TVP23C: variants seen among roughly 807,000 people sequenced by gnomAD.
TVP23C encodes the protein Golgi apparatus membrane protein TVP23 homolog C.
Under a neutral mutation model 28.7 loss-of-function variants are expected in TVP23C, and 19 were observed. That is an observed-to-expected ratio of 0.66 (90% CI 0.46 to 0.97). TVP23C has a LOEUF of 0.97. Among genes scored for constraint, TVP23C ranks in the 50% least tolerant of loss-of-function variants. The pLI, the probability that TVP23C is intolerant of heterozygous loss-of-function variation, is 0.00. For missense variants in TVP23C, 186 were observed against 241.3 expected (o/e 0.77, Z 1.52); for synonymous variants, 68 against 81.7 (o/e 0.83, Z 0.90).
chr17:15,548,415 T>C (rs1233170345), intron 3 of TVP23C, among the ~76,000 whole-genome samples: 1 of 152,230 alleles, frequency 6.6e-6, no homozygotes, highest in Admixed American at 6.5e-5. Context: ...TTCACCCGCC[T>C]TGGCCTCCCA....
chr17:15,537,561 A>C lies in TVP23C; in HGVS notation c.*2851T>G, dbSNP rs1210107412. On this transcript the variant is annotated 3_prime_UTR_variant, in exon 6 of 6. Transcript: ENST00000518321. ...AAAATAAAATTTTATAAAGTAGTTA[A>C]TACCACTGGCCCTAATTGTTTTCAC... The C allele has an allele frequency of 3.0e-6, 3 of 983,880 alleles. No homozygotes were observed. In the Admixed American group the frequency reaches 1.8e-4, roughly 60 times the overall value. The allele number at this position is 983,880 out of a possible 1,614,324, so 60.9% of individuals were successfully genotyped here. A position where few individuals can be genotyped will look rare whatever the true frequency, so the allele number is the denominator to read the frequency against.
chr17:15,556,489 G>A (rs1984137870), intron 1 of TVP23C, among the ~76,000 whole-genome samples: 1 of 151,430 alleles, frequency 6.6e-6, no homozygotes, highest in Non-Finnish European at 1.5e-5. Context: ...ACCTTCCCAA[G>A]TAGCTGGGAC....
intron 5 of TVP23C, among the ~76,000 whole-genome samples, chr17:15,518,985 G>A (rs1179229580): frequency 1.3e-5 from 2 of 152,110 alleles, no homozygotes; most frequent in Non-Finnish European, 2.9e-5. Context: ...ATGGTTGAAA[G>A]GTGTGTCGCA....
intron 1 of TVP23C, among the ~76,000 whole-genome samples, chr17:15,560,878 GA>G (rs1289353084): frequency 6.7e-6 from 1 of 150,112 alleles, no homozygotes; most frequent in East Asian, 2.0e-4. Flanking sequence ...TAAGGTAAGA[GA>G]AATTAAAACA....
intron 3 of TVP23C, among the ~76,000 whole-genome samples, chr17:15,551,267 T>TC (rs1289197338): frequency 5.6e-5 from 8 of 142,580 alleles, no homozygotes; most frequent in Non-Finnish European, 1.2e-4. Context: ...CCCGGCTCAT[T>TC]TTTTTTTTTT....
At chr17:15,508,332 C>CTTCTGTG (rs1981856398) in intron 5 of TVP23C, among the ~76,000 whole-genome samples, 1 of 152,222 alleles carries the variant, frequency 6.6e-6, no homozygotes, top group Non-Finnish European at 1.5e-5. Context: ...CAGAGCTGGG[C>CTTCTGTG]TTCTGTGGTC....
rs998540042 is a variant in TVP23C at position 15,562,437 on chromosome 17, T to C, written c.12+1000A>G. 18 of 152,144 alleles carry C rather than the reference T, an allele frequency of 1.2e-4. 1 individual carries two copies. Among genetic ancestry groups the C allele is most frequent in the African/African-American group, 4.3e-4 (18 of 41,416 alleles). 9.4% of individuals were successfully genotyped at this position (152,144 alleles called of 1,614,324 possible). A position where few individuals can be genotyped will look rare whatever the true frequency, so the allele number is the denominator to read the frequency against. On this transcript the variant is annotated intron_variant, in intron 1 of 5. Coordinates refer to ENST00000518321, the MANE Select transcript of TVP23C (RefSeq NM_001135036.2). ...TTTCACCAAGTTGGCCAGGATGGTC[T>C]CGATCTCTTGACCTCATGATCCACC...
chr17:15,537,802 A>G lies in TVP23C; in HGVS notation c.*2610T>C. The G allele has an allele frequency of 8.8e-7, 1 of 1,134,758 alleles. No homozygotes were observed. The highest frequency in any genetic ancestry group is 1.1e-6 in the Non-Finnish European group (1 of 925,840). 70.3% of individuals were successfully genotyped at this position (1,134,758 alleles called of 1,614,324 possible). ...TATGGATCAAAATGCAAAGGTCTCC[A>G]TTATCTGTGTAAATGAACACTTTCA... On this transcript the variant is annotated 3_prime_UTR_variant, in exon 6 of 6. Transcript: ENST00000518321.
intron 5 of TVP23C, among the ~76,000 whole-genome samples, chr17:15,518,312 T>C (rs1257585168): frequency 6.6e-6 from 1 of 151,990 alleles, no homozygotes; most frequent in African/African-American, 2.4e-5. Flanking sequence ...TCCCAAACTC[T>C]ACCCTATATG....
intron 3 of TVP23C, 60 bp from the exon 4 acceptor site, chr17:15,547,208 A>G (rs1213352906): frequency 1.2e-6 from 2 of 1,611,958 alleles, no homozygotes; most frequent in East Asian, 2.2e-5. Flanking sequence ...ATCTGTCACA[A>G]GCTCCTATCT....
chr17:15,503,982 G>A (rs986642222), intron 5 of TVP23C, among the ~76,000 whole-genome samples: 5 of 151,984 alleles, frequency 3.3e-5, no homozygotes, highest in Non-Finnish European at 7.4e-5. Context: ...ACAACCCTGT[G>A]AGTAGTACCA....
intron 5 of TVP23C, among the ~76,000 whole-genome samples, chr17:15,518,884 G>A (rs1982347964): frequency 6.6e-6 from 1 of 152,174 alleles, no homozygotes; most frequent in East Asian, 1.9e-4. Flanking sequence ...ATCCCCACGT[G>A]TCGAGGGGGG....
chr17:15,511,192 T>C (rs1981989898), intron 5 of TVP23C, among the ~76,000 whole-genome samples: 1 of 151,422 alleles, frequency 6.6e-6, no homozygotes, highest in Non-Finnish European at 1.5e-5. Flanking sequence ...CGGTCTACAG[T>C]AGAGAGGTTT....
chr17:15,557,639 G>C (rs1030340990), intron 1 of TVP23C, among the ~76,000 whole-genome samples: 5 of 144,302 alleles, frequency 3.5e-5, no homozygotes, highest in East Asian at 2.0e-4. Flanking sequence ...GTGTCTAGCA[G>C]AGCATTCAGC....
chr17:15,558,623 G>A (rs939844796), intron 1 of TVP23C, among the ~76,000 whole-genome samples: 1 of 148,194 alleles, frequency 6.7e-6, no homozygotes, highest in Non-Finnish European at 1.5e-5. Context: ...GTAGAGGTGA[G>A]AGACAGAGAT....
chr17:15,549,006 T>C (rs1983770684), intron 3 of TVP23C, among the ~76,000 whole-genome samples: 1 of 152,220 alleles, frequency 6.6e-6, no homozygotes, highest in African/African-American at 2.4e-5. Flanking sequence ...AAACCTCAGA[T>C]AATGGGGGAA....
rs1339998154 is a variant in TVP23C at position 15,539,038 on chromosome 17, T to C, written c.*1374A>G. The C allele has an allele frequency of 1.0e-6, 1 of 985,128 alleles. No homozygotes were observed. The highest frequency in any genetic ancestry group is 1.7e-5 in the African/African-American group (1 of 57,226). 61.0% of individuals were successfully genotyped at this position (985,128 alleles called of 1,614,324 possible). Reference sequence around the variant, plus strand: ...TAGCTTTGTACCACTATTAGCTGTATAATCTTAAGTAAATAATTTAATTTC... The same window carrying C: ...TAGCTTTGTACCACTATTAGCTGTACAATCTTAAGTAAATAATTTAATTTC... On this transcript the variant is annotated 3_prime_UTR_variant, in exon 6 of 6. Transcript: ENST00000518321.
At chr17:15,512,925 G>C (rs1471482288) in intron 5 of TVP23C, among the ~76,000 whole-genome samples, 2 of 152,164 alleles carry the variant, frequency 1.3e-5, no homozygotes, top group Non-Finnish European at 2.9e-5. Flanking sequence ...TCACATATGG[G>C]CTATGTAGGA....
Position 15,538,525 on chromosome 17 carries a change from G to A in TVP23C, c.*1887C>T. On this transcript the variant is annotated 3_prime_UTR_variant, in exon 6 of 6. Transcript: ENST00000518321. ...GAATAGTATGAACCCGGGAGGTGGA[G>A]TTTGCAGTGAGCCGAGATCGCGCCA... 1.2e-6 allele frequency: 1 copy of A among 857,948 alleles called. No individual in the cohort carries two copies. The highest frequency in any genetic ancestry group is 5.3e-5 in the South Asian group (1 of 18,802). The allele number at this position is 857,948 out of a possible 1,614,324, so 53.1% of individuals were successfully genotyped here. A position where few individuals can be genotyped will look rare whatever the true frequency, so the allele number is the denominator to read the frequency against.
Sources: allele counts gnomAD v4.1 joint callset (sites outside exome capture counted in the v4.1 genomes callset), GRCh38; gene constraint gnomAD v4.1.1; transcripts MANE v1.5; gene names NCBI Gene and HGNC (gene_info 2026-07-23, HGNC 2026-07-21).